The following ERAP1 variants were observed in gnomAD, a reference collection of about 807,000 sequenced individuals.
The protein encoded by ERAP1 is adipocyte-derived leucine aminopeptidase.
In ERAP1, 86 loss-of-function variants were observed where a neutral mutation model predicts 103.7. The observed-to-expected ratio is 0.83, with a 90% CI of 0.70 to 0.99. The LOEUF (loss-of-function observed/expected upper bound fraction) is 0.99, where lower values mean the gene tolerates loss of function less well. Among genes scored for constraint, ERAP1 ranks in the 50% least tolerant of loss-of-function variants. ERAP1 has a pLI of 0.00. For synonymous variants in ERAP1, 398 were observed against 402.4 expected (o/e 0.99, Z 0.13); for missense variants, 1,009 against 1,128.4 (o/e 0.89, Z 1.52).
the ERAP1 span, among the ~76,000 whole-genome samples, chr5:96,835,979 T>A: frequency 6.6e-6 from 1 of 152,176 alleles, no homozygotes; most frequent in Non-Finnish European, 1.5e-5. Context: ...GACCTCCGTT[T>A]CACCTTTGCT....
chr5:96,899,946 T>G, the ERAP1 span, among the ~76,000 whole-genome samples: 1 of 152,242 alleles, frequency 6.6e-6, no homozygotes, highest in African/African-American at 2.4e-5. Context: ...TTTTGTGGAC[T>G]TCTATCCCAG....
chr5:96,773,092 T>C (rs575641428), downstream of ERAP1: 1 of 154,014 alleles, frequency 6.5e-6, no homozygotes, highest in South Asian at 2.1e-4. Context: ...CCTTTCCTCT[T>C]GGGCTTTTGA....
the ERAP1 span, among the ~76,000 whole-genome samples, chr5:96,884,554 T>TG: frequency 8.2e-6 from 1 of 121,750 alleles, no homozygotes; most frequent in Non-Finnish European, 1.8e-5. Flanking sequence ...TTATACAAGT[T>TG]TTTTGTTTGT....
chr5:96,834,422 G>T, the ERAP1 span, among the ~76,000 whole-genome samples: 1 of 152,158 alleles, frequency 6.6e-6, no homozygotes, highest in Non-Finnish European at 1.5e-5. Flanking sequence ...TGCACAATGG[G>T]CCTATTATTA....
the ERAP1 span, among the ~76,000 whole-genome samples, chr5:96,861,401 C>A: frequency 1.3e-5 from 2 of 152,266 alleles, no homozygotes; most frequent in Non-Finnish European, 2.9e-5. Flanking sequence ...TGAGCCCCAG[C>A]GGATCTGAAT....
chr5:96,926,910 A>G, the ERAP1 span, among the ~76,000 whole-genome samples: 1 of 152,128 alleles, frequency 6.6e-6, no homozygotes, highest in African/African-American at 2.4e-5. Context: ...TCGATCTCCC[A>G]GGCTCAAGCG....
the ERAP1 span, among the ~76,000 whole-genome samples, chr5:96,846,588 G>T: frequency 0.048 from 7,270 of 152,140 alleles, 214 homozygotes; most frequent in South Asian, 0.11. Flanking sequence ...GATTCCAGTA[G>T]GTCTGAGATA....
At chr5:96,808,006 G>A (rs924807830), upstream of ERAP1, 4 of 985,492 alleles carry the variant, frequency 4.1e-6, no homozygotes, top group Middle Eastern at 5.2e-4. Flanking sequence ...CTAGCGGCAG[G>A]CGGGGAAGCC....
the ERAP1 span, among the ~76,000 whole-genome samples, chr5:96,840,732 A>T: frequency 6.9e-6 from 1 of 145,674 alleles, no homozygotes; most frequent in African/African-American, 2.6e-5. Context: ...TTTGAGACGG[A>T]GTCTCGCTTT....
the ERAP1 span, among the ~76,000 whole-genome samples, chr5:96,916,220 C>CA: frequency 7.8e-6 from 1 of 128,152 alleles, no homozygotes; most frequent in Non-Finnish European, 1.7e-5. Context: ...GACTCCATCT[C>CA]AAAAAAACAA....
rs1778217902 is a variant in ERAP1 at position 96,803,516 on chromosome 5, C to T, written c.411G>A (p.Glu137=). The T allele has an allele frequency of 6.2e-7, 1 of 1,613,422 alleles. No individual in the cohort carries two copies. The highest frequency in any genetic ancestry group is 2.2e-5 in the East Asian group (1 of 44,876). Residue 137 remains glutamate (E), a synonymous_variant, in exon 2 of 19, where the codon GAG becomes GAA. Coordinates refer to ENST00000443439, the MANE Select transcript of ERAP1 (RefSeq NM_001040458.3). Reference sequence around the variant, plus strand: ...TGTACGGGAGCCCGACAAGGAGGGGCTCGGGAGCCAGCAGTGCAATTTGCT... The same window carrying T: ...TGTACGGGAGCCCGACAAGGAGGGGTTCGGGAGCCAGCAGTGCAATTTGCT... The part of the protein sequence containing the change: ...RQEQIALLAP[E]PLLVGLPYTV...
the ERAP1 span, among the ~76,000 whole-genome samples, chr5:96,925,954 G>A: frequency 7.8e-6 from 1 of 128,944 alleles, no homozygotes; most frequent in Admixed American, 9.9e-5. Flanking sequence ...TCGCTCTGTC[G>A]CCCAGGGCTG....
rs964531758 is a variant in ERAP1 at position 96,792,172 on chromosome 5, T to G, written c.1209A>C (p.Lys403Asn). The G allele has an allele frequency of 6.2e-7, 1 of 1,613,548 alleles. No homozygotes were observed. Among genetic ancestry groups the G allele is most frequent in the Non-Finnish European group, 8.5e-7 (1 of 1,179,574 alleles). Residue 403 changes from lysine (K) to asparagine (N), a missense_variant, in exon 8 of 19, where the codon AAA (lysine) becomes AAC (asparagine). Lys to Asn is a moderately conservative substitution (Grantham distance 94). Around this residue, in one of 3 missense-constraint regions of ERAP1, gnomAD observed 611 missense variants for 651.7 expected, o/e 0.94. Transcript: ENST00000443439. ...CATCTACCTCCATTGCGTCAAAACA[T>G]TTGCCAAAGAAATAATCTCCCTATT... ...ELKVGDYFFG[K>N]CFDAMEVDAL...
chr5:96,814,314 A>G, the ERAP1 span: 1 of 456,298 alleles, frequency 2.2e-6, no homozygotes, highest in Non-Finnish European at 4.4e-6. Flanking sequence ...TCTCACACTA[A>G]AAGAAAGGAA....
chr5:96,837,789 A>C, the ERAP1 span, among the ~76,000 whole-genome samples: 1 of 152,170 alleles, frequency 6.6e-6, no homozygotes, highest in Non-Finnish European at 1.5e-5. Flanking sequence ...TGAACAAATT[A>C]AAGATGGTAA....
At chr5:96,879,687 T>C in the ERAP1 span, 12 of 1,611,532 alleles carry the variant, frequency 7.4e-6, no homozygotes, top group Admixed American at 1.7e-4. Context: ...ATAGATTTCA[T>C]GTTCCATTCT....
the ERAP1 span, chr5:96,909,585 CCTT>C: frequency 4.5e-5 from 72 of 1,613,528 alleles, no homozygotes; most frequent in African/African-American, 7.2e-4. Context: ...TGCAGCGTTA[CCTT>C]CTTCAGTATT....
chr5:96,856,349 A>AAAAAAAAAAAAT, the ERAP1 span, among the ~76,000 whole-genome samples: 1 of 8,538 alleles, frequency 1.2e-4, no homozygotes, highest in African/African-American at 3.6e-4. Flanking sequence ...AAAAAAAAAA[A>AAAAAAAAAAAAT]ATATATATAT....
chr5:96,880,327 C>G, the ERAP1 span: 1 of 1,376,330 alleles, frequency 7.3e-7, no homozygotes, highest in Non-Finnish European at 9.9e-7. Flanking sequence ...ATCTCTTTGC[C>G]AGGAGCAGAC....
Sources: allele counts gnomAD v4.1 joint callset (sites outside exome capture counted in the v4.1 genomes callset), GRCh38; gene constraint gnomAD v4.1.1; regional missense constraint gnomAD v4.1.1; transcripts MANE v1.5; gene names NCBI Gene and HGNC (gene_info 2026-07-23, HGNC 2026-07-21).